GABRA3: variants seen among roughly 807,000 people sequenced by gnomAD.
The protein encoded by GABRA3 is gamma-aminobutyric acid type A receptor subunit alpha3, also known as gamma-aminobutyric acid receptor subunit alpha-3.
A neutral mutation model predicts 30.1 loss-of-function variants in GABRA3; 10 were observed. The ratio of observed to expected loss-of-function variants is 0.33; its 90% CI spans 0.20 to 0.56. GABRA3 has a LOEUF of 0.56. Ranked by LOEUF, GABRA3 falls within the 20% of genes least tolerant of loss-of-function variation. The probability of loss-of-function intolerance (pLI) is 0.89; values close to 1 mark genes in which losing one functional copy is unlikely to be tolerated. For synonymous variants in GABRA3, 151 were observed against 146.8 expected (o/e 1.03, Z -0.21); for missense variants, 233 against 392.0 (o/e 0.59, Z 3.42).
intron 1 of GABRA3, among the ~76,000 whole-genome samples, chrX:152,378,286 T>C (rs193075584): frequency 2.8e-4 from 31 of 111,790 alleles, no homozygotes; most frequent in Non-Finnish European, 2.3e-4. Context: ...CAAATCCCCA[T>C]ACTTCAGATA....
At chrX:152,175,648 G>C (rs1569346052) in intron 9 of GABRA3, among the ~76,000 whole-genome samples, 1 of 111,995 alleles carries the variant, frequency 8.9e-6, no homozygotes, top group East Asian at 2.8e-4. Context: ...GCCTGAGAAG[G>C]TAAGTAGAGA....
intron 4 of GABRA3, among the ~76,000 whole-genome samples, chrX:152,262,355 T>G (rs1016287911): frequency 4.4e-5 from 5 of 112,644 alleles, no homozygotes; most frequent in Non-Finnish European, 9.4e-5. Flanking sequence ...AAAATGGCTT[T>G]TTCTTTTCCA....
At chrX:152,190,507 TTTTTTTC>T (rs1300648971) in intron 8 of GABRA3, among the ~76,000 whole-genome samples, 1 of 111,183 alleles carries the variant, frequency 9.0e-6, no homozygotes, top group Non-Finnish European at 1.9e-5. Flanking sequence ...CTAACCTATT[TTTTTTTC>T]TTTTTTCTTT....
At chrX:152,304,067 G>A (rs930467754) in intron 3 of GABRA3, among the ~76,000 whole-genome samples, 1 of 111,855 alleles carries the variant, frequency 8.9e-6, no homozygotes, top group African/African-American at 3.2e-5. Flanking sequence ...GCAATATTGA[G>A]CATTTTTTTC....
At chrX:152,402,223 G>T (rs943537988) in intron 1 of GABRA3, among the ~76,000 whole-genome samples, 44 of 111,789 alleles carry the variant, frequency 3.9e-4, no homozygotes, top group African/African-American at 1.4e-3. Context: ...TATTCCAGAA[G>T]CTGATGGAGG....
At chrX:152,274,245 A>G (rs1246137765) in intron 4 of GABRA3, among the ~76,000 whole-genome samples, 2 of 111,849 alleles carry the variant, frequency 1.8e-5, no homozygotes, top group African/African-American at 6.5e-5. Flanking sequence ...TAGACTCACG[A>G]TAAGTGAAAG....
chrX:152,339,603 T>G (rs1940284822), intron 3 of GABRA3, among the ~76,000 whole-genome samples: 2 of 111,943 alleles, frequency 1.8e-5, no homozygotes, highest in Admixed American at 1.9e-4. Flanking sequence ...GAATGTGTAT[T>G]TTGCTGTTGT....
At chrX:152,434,291 A>G (rs911098354) in intron 1 of GABRA3, among the ~76,000 whole-genome samples, 1 of 111,302 alleles carries the variant, frequency 9.0e-6, no homozygotes, top group Non-Finnish European at 1.9e-5. Context: ...CTCGCAGCCT[A>G]CATCTTTCTC....
chrX:152,428,695 C>T (rs1930573123), intron 1 of GABRA3, among the ~76,000 whole-genome samples: 1 of 111,656 alleles, frequency 9.0e-6, no homozygotes, highest in African/African-American at 3.3e-5. Flanking sequence ...AATCACTCCA[C>T]AAGTAAAGAT....
At chrX:152,330,955 A>G (rs759061167) in intron 3 of GABRA3, among the ~76,000 whole-genome samples, 1 of 111,444 alleles carries the variant, frequency 9.0e-6, no homozygotes, top group Non-Finnish European at 1.9e-5. Context: ...AGCTACCTAA[A>G]CATTTGACAA....
rs774145023 is a variant in GABRA3 at position 152,445,163 on chromosome X, C to G, written c.-27+5983G>C. Among the ~76,000 whole-genome samples, 18 of 108,452 alleles carry G rather than the reference C, an allele frequency of 1.7e-4. 1 individual carries two copies. In the East Asian group the frequency reaches 4.6e-3, roughly 28 times the overall value. The allele number at this position is 108,452 out of a possible 115,157, so 94.2% of individuals were successfully genotyped here. ...AATATATATCCTGGAGATTTTTATT[C>G]CCCCTTCTGTGTATATTCAGGAGAC... is the stretch of plus-strand genomic sequence containing the variant. On this transcript the variant is annotated intron_variant, in intron 1 of 9. Transcript: ENST00000370314.
At chrX:152,299,409 G>A (rs761736967) in intron 3 of GABRA3, among the ~76,000 whole-genome samples, 1 of 110,312 alleles carries the variant, frequency 9.1e-6, no homozygotes, top group South Asian at 3.9e-4. Context: ...TGTGTTTGGG[G>A]CTGCAGCCCT....
At chrX:152,327,801 T>C (rs1045103035) in intron 3 of GABRA3, among the ~76,000 whole-genome samples, 8 of 110,733 alleles carry the variant, frequency 7.2e-5, no homozygotes, top group Non-Finnish European at 1.5e-4. Flanking sequence ...ACTAGAGAAG[T>C]AAGGGCAAAC....
chrX:152,328,087 T>G (rs1260935751), intron 3 of GABRA3, among the ~76,000 whole-genome samples: 1 of 111,472 alleles, frequency 9.0e-6, no homozygotes, highest in Non-Finnish European at 1.9e-5. Context: ...ACAAATAAAC[T>G]AGAAAATCTA....
At chrX:152,227,397 G>A (rs1395192810) in intron 5 of GABRA3, among the ~76,000 whole-genome samples, 1 of 61,582 alleles carries the variant, frequency 1.6e-5, no homozygotes, top group Non-Finnish European at 2.8e-5. Context: ...TGGGGGGAGG[G>A]GGGAGGGATA....
At chrX:152,438,035 T>C (rs750642873) in intron 1 of GABRA3, among the ~76,000 whole-genome samples, 1 of 111,996 alleles carries the variant, frequency 8.9e-6, no homozygotes, top group Admixed American at 9.5e-5. Flanking sequence ...ATACATGCCA[T>C]AGACTAGGAG....
chrX:152,261,725 T>C (rs1359116611), intron 4 of GABRA3, among the ~76,000 whole-genome samples: 5 of 111,420 alleles, frequency 4.5e-5, no homozygotes, highest in Non-Finnish European at 7.5e-5. Context: ...TGGAGTTGAG[T>C]GTCTGTGGCT....
At chrX:152,360,516 G>A (rs1176262449) in intron 2 of GABRA3, among the ~76,000 whole-genome samples, 1 of 78,553 alleles carries the variant, frequency 1.3e-5, no homozygotes, top group East Asian at 4.4e-4. Flanking sequence ...ATGGACACAG[G>A]AAGGGGAATA....
chrX:152,270,634 C>T (rs1036075752), intron 4 of GABRA3, among the ~76,000 whole-genome samples: 3 of 110,895 alleles, frequency 2.7e-5, no homozygotes, highest in African/African-American at 9.8e-5. Context: ...GCCAGTGGAT[C>T]ACTTGAGGTC....
Sources: allele counts gnomAD v4.1 joint callset (sites outside exome capture counted in the v4.1 genomes callset), GRCh38; gene constraint gnomAD v4.1.1; transcripts MANE v1.5; gene names NCBI Gene and HGNC (gene_info 2026-07-23, HGNC 2026-07-21).